Variants in KAZN observed in about 807,000 individuals in gnomAD.
KAZN encodes the protein kazrin, periplakin interacting protein, also known as kazrin.
A neutral mutation model predicts 87.4 loss-of-function variants in KAZN; 40 were observed. The observed-to-expected ratio is 0.46, with a 90% CI of 0.36 to 0.60. The LOEUF (loss-of-function observed/expected upper bound fraction) is 0.60. Among genes scored for constraint, KAZN ranks in the 20% least tolerant of loss-of-function variants. The probability of loss-of-function intolerance (pLI) is 0.00; values close to 1 mark genes in which losing one functional copy is unlikely to be tolerated. For synonymous variants in KAZN, 466 were observed against 458.3 expected (o/e 1.02, Z -0.22); for missense variants, 898 against 1,073.9 (o/e 0.84, Z 2.29).
rs921842051 is a variant in KAZN, at chr1:15,009,552, A to T, written c.419-25197A>T. 7.9e-5 allele frequency among the ~76,000 whole-genome samples: 12 copies of T among 152,240 alleles called. No individual in the cohort carries two copies. In the East Asian group the frequency reaches 2.3e-3, roughly 29 times the overall value. ...TTGCTAAGCCCACAGCAGTTGAGAGATGTGTTGGGAGAGGCTGCTTTGAGC... is the reference window on the plus strand; with the variant it reads ...TTGCTAAGCCCACAGCAGTTGAGAGTTGTGTTGGGAGAGGCTGCTTTGAGC... On this transcript the variant is annotated intron_variant, in intron 2 of 14. Transcript: ENST00000376030.
rs1363937324 is a variant in KAZN at position 15,068,043 on chromosome 1, G to T, written c.1222+2290G>T. The T allele has an allele frequency of 5.4e-6, 4 of 744,154 alleles. No homozygotes were observed. In the African/African-American group the frequency reaches 8.0e-5, roughly 15 times the overall value. The allele number at this position is 744,154 out of a possible 1,614,324, so 46.1% of individuals were successfully genotyped here. A position where few individuals can be genotyped will look rare whatever the true frequency, so the allele number is the denominator to read the frequency against. On this transcript the variant is annotated intron_variant, in intron 8 of 14. Transcript: ENST00000376030. ...CTACGTCAAATAGCGAATGAGTTAT[G>T]GGTAACATTAGACGAAAATAACCTT...
At chr1:14,102,339 G>A (rs150021084) in intron 1 of KAZN, among the ~76,000 whole-genome samples, 17 of 152,238 alleles carry the variant, frequency 1.1e-4, no homozygotes, top group Admixed American at 2.6e-4. Context: ...CCTAGTTCCC[G>A]CTCGCTGAGC....
intron 5 of KAZN, among the ~76,000 whole-genome samples, chr1:15,058,024 A>AC (rs1373083600): frequency 6.6e-6 from 1 of 151,748 alleles, no homozygotes; most frequent in East Asian, 1.9e-4. Context: ...TTTATCAGAC[A>AC]CCCCCTCCTC....
intron 2 of KAZN, among the ~76,000 whole-genome samples, chr1:14,993,080 A>G (rs1667508538): frequency 7.1e-6 from 1 of 141,674 alleles, no homozygotes; most frequent in South Asian, 2.3e-4. Flanking sequence ...GCCCACCTCG[A>G]CCTCCCAAAG....
At chr1:14,495,454 A>C (rs558243349) in intron 2 of KAZN, among the ~76,000 whole-genome samples, 38 of 152,266 alleles carry the variant, frequency 2.5e-4, no homozygotes, top group African/African-American at 8.4e-4. Context: ...CTTTAGCCAG[A>C]TGGCTCACTC....
intron 1 of KAZN, among the ~76,000 whole-genome samples, chr1:14,727,285 G>A (rs926403119): frequency 1.3e-5 from 2 of 151,958 alleles, no homozygotes; most frequent in Non-Finnish European, 2.9e-5. Context: ...CCTGAATCAG[G>A]ATGCTTGCCA....
intron 1 of KAZN, among the ~76,000 whole-genome samples, chr1:14,617,146 A>G (rs1174601982): frequency 6.6e-6 from 1 of 152,252 alleles, no homozygotes; most frequent in East Asian, 1.9e-4. Flanking sequence ...GTTGGGTCCC[A>G]TAACAGATGT....
intron 1 of KAZN, among the ~76,000 whole-genome samples, chr1:14,863,973 C>T (rs1405320422): frequency 6.6e-6 from 1 of 152,096 alleles, no homozygotes; most frequent in Non-Finnish European, 1.5e-5. Flanking sequence ...TGCATTCATT[C>T]CTTCACTCAT....
chr1:14,588,772 A>G (rs1676008094), intron 2 of KAZN, among the ~76,000 whole-genome samples: 1 of 152,194 alleles, frequency 6.6e-6, no homozygotes. Context: ...TCAAGCTCCC[A>G]GTGTTATAAC....
In KAZN at chr1:14,528,360, AAGAAAG is replaced by A. The variant is rs1557779013; in HGVS notation, c.250-70621_250-70616del. Among the ~76,000 whole-genome samples, 3 of 137,388 alleles carry A rather than the reference AAGAAAG, an allele frequency of 2.2e-5. No homozygotes were observed. In the East Asian group the frequency reaches 6.5e-4, roughly 30 times the overall value. 90.1% of individuals were successfully genotyped at this position (137,388 alleles called of 152,430 possible). On this transcript the variant is annotated intron_variant, in intron 2 of 16. Coordinates refer to the KAZN transcript ENST00000636203. ...CTCAAAAAAAAAAAAAAAAAAAAAA[AAGAAAG>A]AAAAAAAGGAAAATTATTTTCACAT...
At chr1:14,843,996 G>C (rs548671083) in intron 1 of KAZN, among the ~76,000 whole-genome samples, 7 of 152,200 alleles carry the variant, frequency 4.6e-5, no homozygotes, top group Admixed American at 2.6e-4. Flanking sequence ...AGTTTAAAAA[G>C]TATATTTGGA....
chr1:14,810,215 G>A (rs1216709170), intron 1 of KAZN, among the ~76,000 whole-genome samples: 1 of 152,106 alleles, frequency 6.6e-6, no homozygotes, highest in Non-Finnish European at 1.5e-5. Flanking sequence ...CTGGGAGGCC[G>A]AGGTACCTTA....
intron 2 of KAZN, among the ~76,000 whole-genome samples, chr1:14,585,625 CA>C (rs1675808740): frequency 6.6e-6 from 1 of 152,140 alleles, no homozygotes; most frequent in Admixed American, 6.5e-5. Context: ...AGCCTAACAT[CA>C]GGGGGTCAGG....
intron 1 of KAZN, among the ~76,000 whole-genome samples, chr1:14,907,261 G>A (rs1572793749): frequency 6.6e-6 from 1 of 151,866 alleles, no homozygotes; most frequent in African/African-American, 2.4e-5. Context: ...AATTAGCAGG[G>A]CATGGTGGTG....
At chr1:14,160,799 T>C (rs1264157091) in intron 1 of KAZN, among the ~76,000 whole-genome samples, 5 of 152,212 alleles carry the variant, frequency 3.3e-5, no homozygotes, top group Admixed American at 2.6e-4. Context: ...TATATTATCC[T>C]TGGTAGGTGG....
chr1:14,645,398 G>T (rs1680737151), intron 1 of KAZN, among the ~76,000 whole-genome samples: 1 of 152,148 alleles, frequency 6.6e-6, no homozygotes, highest in East Asian at 1.9e-4. Context: ...GGGCAGTATG[G>T]ACATTTTAAT....
At chr1:14,322,784 G>C (rs1479825774) in intron 2 of KAZN, among the ~76,000 whole-genome samples, 1 of 152,192 alleles carries the variant, frequency 6.6e-6, no homozygotes, top group Non-Finnish European at 1.5e-5. Flanking sequence ...GGCACCCAAT[G>C]AGTGTGGTGG....
chr1:14,100,445 G>A (rs185562567), intron 1 of KAZN, among the ~76,000 whole-genome samples: 2 of 152,286 alleles, frequency 1.3e-5, no homozygotes, highest in South Asian at 2.1e-4. Context: ...AAAAGGATCC[G>A]AAGCAAAATC....
intron 2 of KAZN, among the ~76,000 whole-genome samples, chr1:14,412,983 T>C (rs1174162149): frequency 2.0e-5 from 3 of 148,408 alleles, no homozygotes; most frequent in Non-Finnish European, 3.0e-5. Flanking sequence ...ATATATAAAA[T>C]ATAAAAACAC....
Sources: gnomAD v4.1 joint callset for allele counts (sites outside exome capture counted in the v4.1 genomes callset) on GRCh38, gnomAD v4.1.1 for gene constraint, MANE v1.5 for transcripts, NCBI Gene and HGNC (gene_info 2026-07-23, HGNC 2026-07-21) for gene names.